TMEM30A: variants seen among roughly 807,000 people sequenced by gnomAD.
TMEM30A encodes cell cycle control protein 50A.
A neutral mutation model predicts 38.2 loss-of-function variants in TMEM30A; 24 were observed. The ratio of observed to expected loss-of-function variants is 0.63; its 90% CI spans 0.46 to 0.88. TMEM30A has a LOEUF of 0.88. Among genes scored for constraint, TMEM30A ranks in the 40% least tolerant of loss-of-function variants. The probability of loss-of-function intolerance (pLI) is 0.00; values close to 1 mark genes in which losing one functional copy is unlikely to be tolerated. For synonymous variants in TMEM30A, 145 were observed against 161.6 expected (o/e 0.90, Z 0.78); for missense variants, 370 against 458.6 (o/e 0.81, Z 1.77).
chr6:75,265,034 T>C (rs1401025256), intron 3 of TMEM30A, among the ~76,000 whole-genome samples, 197 bp downstream of exon 3: 3 of 151,210 alleles, frequency 2.0e-5, no homozygotes, highest in East Asian at 3.9e-4. Context: ...GGGGTGGAGG[T>C]TGCAGTGAGC....
At chr6:75,259,629 C>T in intron 4 of TMEM30A, 139 bp from the exon 5 acceptor site, 2 of 623,542 alleles carry the variant, frequency 3.2e-6, no homozygotes, top group Non-Finnish European at 5.1e-6. Context: ...CACATTTGTT[C>T]TTTATTCCTA....
chr6:75,282,510 T>C (rs1772375963), intron 1 of TMEM30A, among the ~76,000 whole-genome samples: 1 of 152,204 alleles, frequency 6.6e-6, no homozygotes, highest in Admixed American at 6.5e-5. Context: ...TTCATCTTAT[T>C]ATCTTAAGAA....
chr6:75,284,727 TGCCGCCGCCGCC>T lies in TMEM30A; in HGVS notation c.-101_-90del. Reference sequence around the variant, plus strand: ...CTGACAGGAACCGCTCGAGCGCCGCTGCCGCCGCCGCCGCCGCAGCCACCAGCGCCACCGCCA... The same window carrying T: ...CTGACAGGAACCGCTCGAGCGCCGCTGCCGCAGCCACCAGCGCCACCGCCA... On this transcript the variant is annotated 5_prime_UTR_variant, in exon 1 of 7. Coordinates refer to ENST00000230461, the MANE Select transcript of TMEM30A (RefSeq NM_018247.4). 7.4e-7 allele frequency: 1 copy of T among 1,355,026 alleles called. No homozygotes were observed. The highest frequency in any genetic ancestry group is 1.0e-6 in the Non-Finnish European group (1 of 966,352). 83.9% of individuals were successfully genotyped at this position (1,355,026 alleles called of 1,614,324 possible).
chr6:75,278,798 A>C (rs944617382), intron 1 of TMEM30A, among the ~76,000 whole-genome samples: 2 of 152,124 alleles, frequency 1.3e-5, no homozygotes, highest in Non-Finnish European at 2.9e-5. Flanking sequence ...GCACCAGCTA[A>C]TTTGCTCTTA....
intron 1 of TMEM30A, chr6:75,284,123 C>T (rs988090272): frequency 4.2e-6 from 2 of 478,504 alleles, no homozygotes; most frequent in Admixed American, 3.5e-5. Context: ...GCGTTCTCCA[C>T]CTGACCTATC....
At chr6:75,284,137 T>C in intron 1 of TMEM30A, 1 of 516,532 alleles carries the variant, frequency 1.9e-6, no homozygotes, top group Non-Finnish European at 3.5e-6. Flanking sequence ...ACCTATCTTC[T>C]GCATTAAACA....
At chr6:75,267,273 G>A (rs1772085613) in intron 2 of TMEM30A, among the ~76,000 whole-genome samples, 1 of 152,150 alleles carries the variant, frequency 6.6e-6, no homozygotes, top group African/African-American at 2.4e-5. Flanking sequence ...ATTTTCTAAA[G>A]TAAAGCTTGC....
rs201010850 is a variant in TMEM30A, at chr6:75,267,302, CACA to C, written c.345+336_345+338del. On this transcript the variant is annotated intron_variant, in intron 2 of 6. Transcript: ENST00000230461. Reference sequence around the variant, plus strand: ...AGCTTGCTTTAGTATCGTAAGTATGCACAACAATTTGAGCAATAATTTTAAAAA... The same window carrying C: ...AGCTTGCTTTAGTATCGTAAGTATGCACAATTTGAGCAATAATTTTAAAAA... Among the ~76,000 whole-genome samples the C allele has an allele frequency of 3.8e-4, 58 of 152,136 alleles. No homozygotes were observed. The East Asian group carries it at 9.8e-3, about 26-fold the overall frequency.
chr6:75,256,767 CA>C, intron 6 of TMEM30A: 1 of 485,490 alleles, frequency 2.1e-6, no homozygotes, highest in Non-Finnish European at 4.1e-6. Context: ...AGCAAAAGAT[CA>C]AAAAGCATGG....
intron 6 of TMEM30A, among the ~76,000 whole-genome samples, chr6:75,257,085 C>A (rs910158526): frequency 1.3e-5 from 2 of 152,110 alleles, no homozygotes; most frequent in African/African-American, 4.8e-5. Context: ...ACAGATGGGT[C>A]CCTATGGGTC....
intron 4 of TMEM30A, among the ~76,000 whole-genome samples, chr6:75,260,341 G>C (rs748154995): frequency 6.6e-6 from 1 of 152,092 alleles, no homozygotes; most frequent in Non-Finnish European, 1.5e-5. Flanking sequence ...AGGGAGCAGA[G>C]GTTGCAGTGA....
At chr6:75,282,163 C>T (rs1224801330) in intron 1 of TMEM30A, among the ~76,000 whole-genome samples, 1 of 152,156 alleles carries the variant, frequency 6.6e-6, no homozygotes, top group Non-Finnish European at 1.5e-5. Context: ...TCTTTTGGCT[C>T]TTCAAGTAAA....
intron 1 of TMEM30A, among the ~76,000 whole-genome samples, chr6:75,277,562 G>A (rs570397754): frequency 3.3e-5 from 5 of 152,118 alleles, no homozygotes; most frequent in Non-Finnish European, 5.9e-5. Context: ...TATGAACATT[G>A]CCACTGCACT....
intron 1 of TMEM30A, among the ~76,000 whole-genome samples, chr6:75,282,296 A>G (rs1202040436): frequency 6.6e-6 from 1 of 152,162 alleles, no homozygotes; most frequent in African/African-American, 2.4e-5. Flanking sequence ...CAGATTCTTC[A>G]GGCAACTTGA....
intron 1 of TMEM30A, among the ~76,000 whole-genome samples, chr6:75,269,554 A>G (rs1363867035): frequency 6.6e-6 from 1 of 152,250 alleles, no homozygotes; most frequent in Non-Finnish European, 1.5e-5. Context: ...ACTGAAGGAC[A>G]TCTTGGTTGC....
At chr6:75,273,484 TA>T (rs74328863) in intron 1 of TMEM30A, among the ~76,000 whole-genome samples, 2,829 of 139,794 alleles carry the variant, frequency 0.02, 47 homozygotes, top group East Asian at 0.11. Context: ...ATATTTTTAT[TA>T]AAAAAAAAAA....
intron 1 of TMEM30A, among the ~76,000 whole-genome samples, chr6:75,281,623 C>T (rs192943504): frequency 3.9e-5 from 6 of 151,972 alleles, no homozygotes; most frequent in East Asian, 1.9e-4. Context: ...AACATTTCTG[C>T]GGGAATGAGA....
At chr6:75,266,732 T>C (rs910291029) in intron 2 of TMEM30A, among the ~76,000 whole-genome samples, 1 of 152,232 alleles carries the variant, frequency 6.6e-6, no homozygotes, top group Non-Finnish European at 1.5e-5. Context: ...TGTATCTTTA[T>C]TGTCTGCCCA....
At chr6:75,280,375 A>G (rs1562400667) in intron 1 of TMEM30A, among the ~76,000 whole-genome samples, 1 of 152,168 alleles carries the variant, frequency 6.6e-6, no homozygotes, top group Non-Finnish European at 1.5e-5. Context: ...ACCCAGAAGC[A>G]TGGTCCAAGA....
Sources: gnomAD v4.1 joint callset for allele counts (sites outside exome capture counted in the v4.1 genomes callset) on GRCh38, gnomAD v4.1.1 for gene constraint, MANE v1.5 for transcripts, NCBI Gene and HGNC (gene_info 2026-07-23, HGNC 2026-07-21) for gene names.